Variants in DLGAP1 observed in about 807,000 individuals in gnomAD.
DLGAP1 encodes DLG associated protein 1.
Under a neutral mutation model 90.8 loss-of-function variants are expected in DLGAP1, and 11 were observed. The ratio of observed to expected loss-of-function variants is 0.12; its 90% CI spans 0.08 to 0.20. The LOEUF (loss-of-function observed/expected upper bound fraction) is 0.20. DLGAP1 is among the 10% of genes least tolerant of loss of function. The pLI is 1.00. For synonymous variants in DLGAP1, 558 were observed against 540.7 expected (o/e 1.03, Z -0.44); for missense variants, 1,050 against 1,333.8 (o/e 0.79, Z 3.31).
intron 2 of DLGAP1, among the ~76,000 whole-genome samples, chr18:4,051,620 C>T (rs1030951514): frequency 1.3e-5 from 2 of 152,130 alleles, no homozygotes; most frequent in Non-Finnish European, 2.9e-5. Context: ...CACAGTAAAA[C>T]CATATCATTC....
intron 1 of DLGAP1, among the ~76,000 whole-genome samples, chr18:4,416,381 T>C (rs896913483): frequency 2.3e-5 from 3 of 130,294 alleles, no homozygotes; most frequent in Admixed American, 7.6e-5. Flanking sequence ...AATTGGCACA[T>C]TTTATTAATA....
chr18:4,082,341 CAAA>C (rs34416813), intron 2 of DLGAP1, among the ~76,000 whole-genome samples: 1 of 78,772 alleles, frequency 1.3e-5, no homozygotes, highest in Non-Finnish European at 2.4e-5. Context: ...GACTCCATCT[CAAA>C]AAAAAAAAAA....
intron 3 of DLGAP1, among the ~76,000 whole-genome samples, chr18:3,910,915 T>C (rs2072019068): frequency 6.6e-6 from 1 of 152,202 alleles, no homozygotes; most frequent in Non-Finnish European, 1.5e-5. Flanking sequence ...ACAAGATTTC[T>C]ATAAAACCTG....
intron 8 of DLGAP1, chr18:3,580,511 G>T: frequency 1.2e-6 from 2 of 1,600,268 alleles, no homozygotes; most frequent in Non-Finnish European, 1.7e-6. Flanking sequence ...GGAGGAGGAG[G>T]AAGAGGAGGC....
chr18:4,298,215 G>A (rs754649545), intron 1 of DLGAP1, among the ~76,000 whole-genome samples: 25 of 152,214 alleles, frequency 1.6e-4, no homozygotes, highest in African/African-American at 5.3e-4. Flanking sequence ...TTCTAGATGC[G>A]AGGTTTGCAT....
At chr18:4,112,019 G>A (rs1022152819) in intron 2 of DLGAP1, among the ~76,000 whole-genome samples, 1 of 151,454 alleles carries the variant, frequency 6.6e-6, no homozygotes, top group Non-Finnish European at 1.5e-5. Flanking sequence ...TAAGATGGAA[G>A]ATGGTTATTT....
chr18:4,104,914 T>C (rs2075834894), intron 2 of DLGAP1, among the ~76,000 whole-genome samples: 1 of 152,200 alleles, frequency 6.6e-6, no homozygotes, highest in South Asian at 2.1e-4. Flanking sequence ...TATTCCTTCA[T>C]GTTAACTTTG....
At chr18:3,756,612 A>G (rs768990167) in intron 5 of DLGAP1, among the ~76,000 whole-genome samples, 33 of 152,270 alleles carry the variant, frequency 2.2e-4, no homozygotes, top group Non-Finnish European at 3.4e-4. Flanking sequence ...AGCATATAAT[A>G]GCTATTATAG....
At chr18:3,594,389 A>T (rs2056460236) in intron 7 of DLGAP1, 1 of 148,640 alleles carries the variant, frequency 6.7e-6, no homozygotes, top group Non-Finnish European at 1.5e-5. Flanking sequence ...GTAAAAAACA[A>T]AACATTGACG....
intron 7 of DLGAP1, among the ~76,000 whole-genome samples, chr18:3,631,009 C>G (rs1488904653): frequency 6.6e-6 from 1 of 151,992 alleles, no homozygotes; most frequent in African/African-American, 2.4e-5. Flanking sequence ...GAGACTGAGT[C>G]TCCTTCTGTC....
At chr18:4,293,728 TA>T (rs1466944444) in intron 1 of DLGAP1, 1 of 152,190 alleles carries the variant, frequency 6.6e-6, no homozygotes, top group East Asian at 1.9e-4. Flanking sequence ...AATTAACAAC[TA>T]TAGTGCATAA....
chr18:4,260,557 A>G (rs1375750510), intron 1 of DLGAP1, among the ~76,000 whole-genome samples: 1 of 152,196 alleles, frequency 6.6e-6, no homozygotes, highest in East Asian at 1.9e-4. Flanking sequence ...ATTTTAATTT[A>G]TTATAACGAA....
At chr18:3,865,273 A>G (rs1783090176) in intron 4 of DLGAP1, among the ~76,000 whole-genome samples, 1 of 152,216 alleles carries the variant, frequency 6.6e-6, no homozygotes, top group African/African-American at 2.4e-5. Context: ...TAACAATGTT[A>G]TAACTACAAT....
chr18:4,215,905 GAAGGTT>G (rs2077943979), intron 1 of DLGAP1, among the ~76,000 whole-genome samples: 1 of 152,114 alleles, frequency 6.6e-6, no homozygotes, highest in African/African-American at 2.4e-5. Flanking sequence ...TTCACTGAAA[GAAGGTT>G]AAGGATTATA....
intron 2 of DLGAP1, among the ~76,000 whole-genome samples, chr18:4,132,527 CTATAT>C (rs2076332459): frequency 6.6e-6 from 1 of 152,038 alleles, no homozygotes; most frequent in Non-Finnish European, 1.5e-5. Context: ...AAAATAATAC[CTATAT>C]TATAAGGTAT....
intron 1 of DLGAP1, among the ~76,000 whole-genome samples, chr18:4,341,754 A>AT (rs985848739): frequency 5.3e-5 from 8 of 152,146 alleles, no homozygotes; most frequent in East Asian, 3.9e-4. Context: ...GATACTGCAT[A>AT]TTTTTTGTCA....
chr18:3,874,335 G>A lies in DLGAP1; in HGVS notation c.957+4777C>T, dbSNP rs995912094. ...TCTCTCCACTTCTACCGCGGAGAGA[G>A]CGTTTTGTTTCCCTTTTCCTGTTTC... is the stretch of plus-strand genomic sequence containing the variant. On this transcript the variant is annotated intron_variant, in intron 4 of 12. Coordinates refer to ENST00000315677, the MANE Select transcript of DLGAP1 (RefSeq NM_004746.4). 120 of 1,520,176 alleles carry A rather than the reference G, an allele frequency of 7.9e-5. No individual in the cohort carries two copies. The Middle Eastern group carries it at 8.6e-4, about 11-fold the overall frequency. 94.2% of individuals were successfully genotyped at this position (1,520,176 alleles called of 1,614,324 possible). A position where few individuals can be genotyped will look rare whatever the true frequency, so the allele number is the denominator to read the frequency against.
intron 1 of DLGAP1, among the ~76,000 whole-genome samples, chr18:4,235,048 G>A (rs574204534): frequency 3.9e-5 from 6 of 152,110 alleles, no homozygotes; most frequent in African/African-American, 1.4e-4. Flanking sequence ...CCTGACTTCT[G>A]CCCAGTCAGG....
chr18:3,970,026 A>C (rs1599240752), intron 3 of DLGAP1, among the ~76,000 whole-genome samples: 1 of 152,198 alleles, frequency 6.6e-6, no homozygotes, highest in South Asian at 2.1e-4. Flanking sequence ...AGTGCTTAAT[A>C]CTAGTGGTAA....
Sources: allele counts gnomAD v4.1 joint callset (sites outside exome capture counted in the v4.1 genomes callset), GRCh38; gene constraint gnomAD v4.1.1; transcripts MANE v1.5; gene names NCBI Gene and HGNC (gene_info 2026-07-23, HGNC 2026-07-21).